GNB1L: variants seen among roughly 807,000 people sequenced by gnomAD.
The protein encoded by GNB1L is G protein subunit beta 1 like.
A neutral mutation model predicts 29.1 loss-of-function variants in GNB1L; 20 were observed. The observed-to-expected ratio is 0.69, with a 90% CI of 0.48 to 1.00. The LOEUF (loss-of-function observed/expected upper bound fraction) is 1.00. Among genes scored for constraint, GNB1L ranks in the 50% least tolerant of loss-of-function variants. The pLI is 0.00. For synonymous variants in GNB1L, 193 were observed against 206.5 expected, an observed-to-expected ratio of 0.93 and a Z score of 0.56; for missense variants, 421 against 464.9, an observed-to-expected ratio of 0.91 and a Z score of 0.87.
intron 7 of GNB1L, among the ~76,000 whole-genome samples, chr22:19,799,926 G>A (rs548029873): frequency 4.3e-4 from 65 of 152,296 alleles, no homozygotes; most frequent in Non-Finnish European, 4.4e-4. Flanking sequence ...CAGCCTCTCC[G>A]GCTCCCTGTC....
chr22:19,823,243 T>G (rs1287664168), intron 2 of GNB1L, among the ~76,000 whole-genome samples: 1 of 152,244 alleles, frequency 6.6e-6, no homozygotes, highest in East Asian at 1.9e-4. Context: ...CTCTCACCTT[T>G]GGCTGAAAGC....
chr22:19,788,920 T>C lies in GNB1L; in HGVS notation c.773A>G (p.Glu258Gly), dbSNP rs762093375. ...THELTNPGIA[E>G]VTIRPDRKIL... ...CTTGCGATCTGGCCGGATCGTGACC[T>C]CGGCGATCCCGGGATTGGTGAGTTC... is the stretch of plus-strand genomic sequence containing the variant. The change falls in exon 8 of 8, where the codon GAG becomes GGG. Residue 258 changes from glutamate to glycine, a missense_variant. Transcript: ENST00000329517. 6.2e-7 allele frequency: 1 copy of C among 1,611,276 alleles called. No individual in the cohort carries two copies. Among genetic ancestry groups the C allele is most frequent in the Non-Finnish European group, 8.5e-7 (1 of 1,178,758 alleles).
At chr22:19,848,964 G>A in intron 2 of GNB1L, 1 of 985,584 alleles carries the variant, frequency 1.0e-6, no homozygotes, top group African/African-American at 1.7e-5. Flanking sequence ...AGACCCACAG[G>A]TGAGCCAGGC....
chr22:19,846,693 G>T, intron 2 of GNB1L: 1 of 430,552 alleles, frequency 2.3e-6, no homozygotes, highest in Non-Finnish European at 3.1e-6. Context: ...ATGAGGGTGG[G>T]CCCTGATCCA....
chr22:19,788,600 G>A lies in GNB1L; in HGVS notation c.*109C>T. The A allele has an allele frequency of 7.4e-7, 1 of 1,352,360 alleles. No individual in the cohort carries two copies. Among genetic ancestry groups the A allele is most frequent in the Non-Finnish European group, 1.1e-6 (1 of 941,908 alleles). The allele number at this position is 1,352,360 out of a possible 1,614,324, so 83.8% of individuals were successfully genotyped here. The stretch of plus-strand genomic sequence containing the variant: ...ACAGCGGGGACTCCATGGTCCTTGG[G>A]CCATGACTTGCTGGTCCTCAGAGGC... On this transcript the variant is annotated 3_prime_UTR_variant, in exon 8 of 8. Transcript: ENST00000329517.
intron 7 of GNB1L, among the ~76,000 whole-genome samples, chr22:19,797,903 G>A (rs779451164): frequency 4.6e-5 from 7 of 152,034 alleles, no homozygotes; most frequent in Non-Finnish European, 8.8e-5. Flanking sequence ...GCACATCCCA[G>A]ACGCTCTGCC....
At chr22:19,847,804 C>CAA (rs34331843) in intron 2 of GNB1L, 8,993 of 606,912 alleles carry the variant, frequency 0.015, 34 homozygotes, top group Non-Finnish European at 0.015. Context: ...GAATCATAGG[C>CAA]AAAAAAAAAA....
At position 19,853,938 on chromosome 22, in the gene GNB1L, G is replaced by A. The variant is rs184039854; in HGVS notation, c.-21+505C>T. Reference sequence around the variant, plus strand: ...ACACCCCATGCCCGGGAGCCACAGTGTGCTACCCAGATCTCTGCCTTCCCT... The same window carrying A: ...ACACCCCATGCCCGGGAGCCACAGTATGCTACCCAGATCTCTGCCTTCCCT... On this transcript the variant is annotated intron_variant, in intron 2 of 7. Coordinates refer to ENST00000329517, the MANE Select transcript of GNB1L (RefSeq NM_053004.3). Among the ~76,000 whole-genome samples, 29 of 152,272 alleles carry A rather than the reference G, an allele frequency of 1.9e-4. No individual in the cohort carries two copies. In the East Asian group the frequency reaches 4.6e-3, roughly 24 times the overall value.
chr22:19,803,359 G>A (rs1189790573), intron 6 of GNB1L, among the ~76,000 whole-genome samples: 2 of 152,234 alleles, frequency 1.3e-5, no homozygotes, highest in Non-Finnish European at 2.9e-5. Flanking sequence ...GTGGCGGTCA[G>A]TGTGTCTTCT....
chr22:19,804,849 G>A (rs1937414653), intron 6 of GNB1L, among the ~76,000 whole-genome samples: 1 of 152,186 alleles, frequency 6.6e-6, no homozygotes, highest in Non-Finnish European at 1.5e-5. Context: ...TTTTTCTGTT[G>A]GAATTTTACA....
At position 19,788,541 on chromosome 22, in the gene GNB1L, G is replaced by C; in HGVS notation, c.*168C>G. 2 of 896,840 alleles carry C rather than the reference G, an allele frequency of 2.2e-6. No homozygotes were observed. Among genetic ancestry groups the C allele is most frequent in the Non-Finnish European group, 3.7e-6 (2 of 535,472 alleles). 55.6% of individuals were successfully genotyped at this position (896,840 alleles called of 1,614,324 possible). ...CCCAGAGTCACCGTCCTGTGATGAG[G>C]CACTCCACAAAAGGAAATACCAACC... On this transcript the variant is annotated 3_prime_UTR_variant, in exon 8 of 8. Transcript: ENST00000329517.
At chr22:19,829,483 C>CA in intron 2 of GNB1L, among the ~76,000 whole-genome samples, 1 of 152,052 alleles carries the variant, frequency 6.6e-6, no homozygotes, top group African/African-American at 2.4e-5. Context: ...ACTGAAACCA[C>CA]AAAAATTTTT....
At chr22:19,814,386 T>C (rs185418802) in intron 4 of GNB1L, among the ~76,000 whole-genome samples, 1 of 152,286 alleles carries the variant, frequency 6.6e-6, no homozygotes, top group African/African-American at 2.4e-5. Context: ...TGAGTAGCTG[T>C]GACTACACTC....
intron 2 of GNB1L, among the ~76,000 whole-genome samples, chr22:19,829,586 C>A (rs952474731): frequency 1.4e-4 from 22 of 152,156 alleles, no homozygotes; most frequent in African/African-American, 5.1e-4. Context: ...ATGACTATCA[C>A]ACAAAAATAG....
At chr22:19,847,170 G>A in intron 2 of GNB1L, 2 of 985,444 alleles carry the variant, frequency 2.0e-6, no homozygotes, top group Non-Finnish European at 2.4e-6. Context: ...TGAGCATGGA[G>A]AAATATGTCC....
chr22:19,841,956 C>A (rs956982580), intron 2 of GNB1L, among the ~76,000 whole-genome samples: 9 of 152,194 alleles, frequency 5.9e-5, no homozygotes, highest in South Asian at 2.1e-4. Flanking sequence ...GTCCTCCAGG[C>A]CAGCAAGAAC....
At chr22:19,792,153 T>G (rs1358606953) in intron 7 of GNB1L, 1 of 575,180 alleles carries the variant, frequency 1.7e-6, no homozygotes, top group East Asian at 2.8e-5. Flanking sequence ...CAGGAATATA[T>G]GACCCATAGT....
intron 5 of GNB1L, among the ~76,000 whole-genome samples, chr22:19,807,637 A>G (rs1937451686): frequency 6.6e-6 from 1 of 152,192 alleles, no homozygotes; most frequent in African/African-American, 2.4e-5. Flanking sequence ...GCCACCTTGG[A>G]CAGAGCCTGG....
rs200296503 is a variant in GNB1L at position 19,798,607 on chromosome 22, CCTCCTGCCCAG to C, written c.732+3383_732+3393del. On this transcript the variant is annotated intron_variant, in intron 7 of 7. Transcript: ENST00000329517. Reference sequence around the variant, plus strand: ...CCTGTGGAGGCTGAGATGCCCAGTTCCTCCTGCCCAGCTCCTGCCCAGCAGCCTGGCTGTGC... The same window carrying C: ...CCTGTGGAGGCTGAGATGCCCAGTTCCTCCTGCCCAGCAGCCTGGCTGTGC... Among the ~76,000 whole-genome samples the C allele has an allele frequency of 8.0e-3, 1,216 of 152,324 alleles. 12 individuals are homozygous for C. The highest frequency in any genetic ancestry group is 0.014 in the Non-Finnish European group (932 of 68,020).
Sources: allele counts gnomAD v4.1 joint callset (sites outside exome capture counted in the v4.1 genomes callset), GRCh38; gene constraint gnomAD v4.1.1; transcripts MANE v1.5; gene names NCBI Gene and HGNC (gene_info 2026-07-23, HGNC 2026-07-21).